The following GABRG3 variants were observed in gnomAD, a reference collection of about 807,000 sequenced individuals.
The protein encoded by GABRG3 is gamma-aminobutyric acid type A receptor subunit gamma3.
A neutral mutation model predicts 48.8 loss-of-function variants in GABRG3; 25 were observed. The ratio of observed to expected loss-of-function variants is 0.51; its 90% CI spans 0.37 to 0.72. The LOEUF (loss-of-function observed/expected upper bound fraction) is 0.72, where lower values mean the gene tolerates loss of function less well. Ranked by LOEUF, GABRG3 falls within the 30% of genes least tolerant of loss-of-function variation. The probability of loss-of-function intolerance (pLI) is 0.00; values close to 1 mark genes in which losing one functional copy is unlikely to be tolerated. For synonymous variants in GABRG3, 227 were observed against 217.6 expected (o/e 1.04, Z -0.38); for missense variants, 394 against 577.9 (o/e 0.68, Z 3.26).
chr15:27,072,105 T>TC (rs1896838109), intron 3 of GABRG3, among the ~76,000 whole-genome samples: 1 of 152,192 alleles, frequency 6.6e-6, no homozygotes. Flanking sequence ...GTACCCCACC[T>TC]CCAATCATGC....
At chr15:27,392,818 T>G (rs1887177363) in intron 5 of GABRG3, among the ~76,000 whole-genome samples, 1 of 152,224 alleles carries the variant, frequency 6.6e-6, no homozygotes. Flanking sequence ...AACCCAACAT[T>G]ACTGTATTTA....
chr15:27,254,168 C>T (rs1367972402), intron 3 of GABRG3, among the ~76,000 whole-genome samples: 1 of 152,172 alleles, frequency 6.6e-6, no homozygotes, highest in African/African-American at 2.4e-5. Flanking sequence ...CAATGCAGGT[C>T]CCTGGCCTTC....
At chr15:27,411,228 A>G (rs1395824145) in intron 5 of GABRG3, among the ~76,000 whole-genome samples, 1 of 152,120 alleles carries the variant, frequency 6.6e-6, no homozygotes, top group East Asian at 1.9e-4. Context: ...CACTCTGTGG[A>G]TATGGCTTTC....
intron 5 of GABRG3, among the ~76,000 whole-genome samples, chr15:27,406,721 T>G (rs12591921): frequency 0.17 from 26,411 of 152,076 alleles, 2,970 homozygotes; most frequent in African/African-American, 0.32. Context: ...TTCTGGAACG[T>G]CAAGAGGGTA....
intron 3 of GABRG3, among the ~76,000 whole-genome samples, chr15:27,077,076 T>C (rs1481665979): frequency 2.0e-5 from 3 of 152,168 alleles, no homozygotes; most frequent in African/African-American, 7.2e-5. Flanking sequence ...TGCTGAAGTT[T>C]CATGCTTGAC....
chr15:27,370,455 CT>C (rs1895372219), intron 5 of GABRG3, among the ~76,000 whole-genome samples: 1 of 152,186 alleles, frequency 6.6e-6, no homozygotes, highest in South Asian at 2.1e-4. Flanking sequence ...AGTCTCCTAC[CT>C]GTTTGGGTCA....
chr15:27,363,180 T>C (rs1193909046), intron 5 of GABRG3: 1 of 152,152 alleles, frequency 6.6e-6, no homozygotes, highest in Non-Finnish European at 1.5e-5. Flanking sequence ...CAAAGGCACA[T>C]TTCTCTCTGT....
rs1882504485 is a variant in GABRG3, at chr15:27,236,942, C to G, written c.271-89867C>G. ...TTACCCCTCCCTTGGAGGACTTGCT[C>G]TGGGCTTGTGCTGGAGGTTATGCTT... On this transcript the variant is annotated intron_variant, in intron 3 of 9. Transcript: ENST00000615808. The surrounding 1 kb of genome is among the most constrained non-coding windows in gnomAD (Gnocchi z 4.4). Among the ~76,000 whole-genome samples, 1 of 152,228 alleles carries G rather than the reference C, an allele frequency of 6.6e-6. No homozygotes were observed. Among genetic ancestry groups the G allele is most frequent in the Non-Finnish European group, 1.5e-5 (1 of 68,036 alleles).
At chr15:27,116,596 A>C (rs1055528904) in intron 3 of GABRG3, among the ~76,000 whole-genome samples, 13 of 152,226 alleles carry the variant, frequency 8.5e-5, no homozygotes, top group Admixed American at 3.9e-4. Context: ...GAAAAGAAGA[A>C]ACATAGCCAC....
At chr15:27,502,084 G>A (rs1890655543) in intron 6 of GABRG3, among the ~76,000 whole-genome samples, 1 of 152,194 alleles carries the variant, frequency 6.6e-6, no homozygotes, top group South Asian at 2.1e-4. Flanking sequence ...CTCAAGGTAG[G>A]AGAGTGTGTA....
At chr15:27,342,718 C>T (rs186717051) in intron 5 of GABRG3, among the ~76,000 whole-genome samples, 149 of 152,336 alleles carry the variant, frequency 9.8e-4, no homozygotes, top group African/African-American at 3.4e-3. Flanking sequence ...TTTCTTGGAG[C>T]TCCTTTCCCC....
At chr15:27,273,925 A>G (rs1288426336) in intron 3 of GABRG3, among the ~76,000 whole-genome samples, 1 of 152,178 alleles carries the variant, frequency 6.6e-6, no homozygotes, top group African/African-American at 2.4e-5. Context: ...AGGTGGTTCT[A>G]GCTCATGGAT....
chr15:27,501,093 A>G (rs1284922898), intron 6 of GABRG3, among the ~76,000 whole-genome samples: 1 of 151,768 alleles, frequency 6.6e-6, no homozygotes, highest in African/African-American at 2.4e-5. Flanking sequence ...CTGGGACTAC[A>G]GGCGCCCGCC....
intron 3 of GABRG3, among the ~76,000 whole-genome samples, chr15:27,268,117 T>G (rs1890977076): frequency 6.6e-6 from 1 of 152,196 alleles, no homozygotes; most frequent in African/African-American, 2.4e-5. Context: ...CAGTAGGTTT[T>G]ATTTTTTACT....
intron 6 of GABRG3, among the ~76,000 whole-genome samples, chr15:27,515,468 G>C (rs569355767): frequency 6.6e-6 from 1 of 152,176 alleles, no homozygotes; most frequent in South Asian, 2.1e-4. Context: ...TGAAGAATAA[G>C]ATGGAGAACA....
At chr15:26,971,707 C>G in intron 1 of GABRG3, 119 bp downstream of exon 1, 1 of 1,166,934 alleles carries the variant, frequency 8.6e-7, no homozygotes, top group Non-Finnish European at 1.1e-6. Context: ...GCACGGCGGG[C>G]CGGGAGGGGA....
Position 27,201,550 on chromosome 15 carries a change from A to C in GABRG3, c.271-125259A>C, listed in dbSNP as rs59357704. On this transcript the variant is annotated intron_variant, in intron 3 of 9. Coordinates refer to ENST00000615808, the MANE Select transcript of GABRG3 (RefSeq NM_033223.5). ...AGTGTGAGCTGAGGAGAAGCAGCAG[A>C]AATTTCCATTAAGGGTCTGTAACAC... is the stretch of plus-strand genomic sequence containing the variant. Among the ~76,000 whole-genome samples, 230 of 151,986 alleles carry C rather than the reference A, an allele frequency of 1.5e-3. 3 individuals carry two copies. Among genetic ancestry groups the C allele is most frequent in the African/African-American group, 5.4e-3 (223 of 41,362 alleles).
At chr15:27,075,945 G>A (rs531148793) in intron 3 of GABRG3, among the ~76,000 whole-genome samples, 64 of 152,272 alleles carry the variant, frequency 4.2e-4, no homozygotes, top group African/African-American at 1.3e-3. Flanking sequence ...TCCACAGTGC[G>A]AGTCACGGAA....
intron 3 of GABRG3, among the ~76,000 whole-genome samples, chr15:27,223,278 C>T (rs1889507479): frequency 6.6e-6 from 1 of 152,010 alleles, no homozygotes; most frequent in African/African-American, 2.4e-5. Flanking sequence ...GAAATGTTAC[C>T]AAAAGGCCAG....
Sources: allele counts gnomAD v4.1 joint callset (sites outside exome capture counted in the v4.1 genomes callset), GRCh38; gene constraint gnomAD v4.1.1; non-coding constraint Gnocchi (gnomAD v3.1); transcripts MANE v1.5; gene names NCBI Gene and HGNC (gene_info 2026-07-23, HGNC 2026-07-21).